Variants in PTPRD observed in about 807,000 individuals in gnomAD.
The protein encoded by PTPRD is protein tyrosine phosphatase receptor type D.
PTPRD carries 34 observed loss-of-function variants against 214.5 expected under a neutral mutation model. The observed-to-expected ratio is 0.16, with a 90% CI of 0.12 to 0.21. The LOEUF is 0.21. PTPRD is among the 10% of genes least tolerant of loss of function. The probability of loss-of-function intolerance (pLI) is 1.00; values close to 1 mark genes in which losing one functional copy is unlikely to be tolerated. For synonymous variants in PTPRD, 1,128 were observed against 845.7 expected (o/e 1.33, Z -5.79); for missense variants, 2,545 against 2,398.7 (o/e 1.06, Z -1.27).
At chr9:10,277,902 T>C (rs1457185816) in intron 3 of PTPRD, among the ~76,000 whole-genome samples, 1 of 152,144 alleles carries the variant, frequency 6.6e-6, no homozygotes, top group East Asian at 1.9e-4. Flanking sequence ...CTCATGCCTG[T>C]AATCTCAGCA....
intron 5 of PTPRD, among the ~76,000 whole-genome samples, chr9:9,833,683 A>C (rs34798342): frequency 0.029 from 3,787 of 132,462 alleles, 108 homozygotes; most frequent in Middle Eastern, 0.067. Flanking sequence ...CGCTCCGGAG[A>C]GGGGGGCAGT....
At chr9:10,493,527 G>C (rs1012878785) in intron 2 of PTPRD, among the ~76,000 whole-genome samples, 8 of 152,016 alleles carry the variant, frequency 5.3e-5, no homozygotes, top group Admixed American at 1.3e-4. Flanking sequence ...AAATGGTGTT[G>C]GGAAAATTGG....
intron 9 of PTPRD, among the ~76,000 whole-genome samples, chr9:9,229,373 G>T (rs1713904378): frequency 1.3e-5 from 2 of 152,188 alleles, no homozygotes; most frequent in Non-Finnish European, 2.9e-5. Context: ...GGAAGACCAT[G>T]TGAGCTGTGG....
chr9:8,913,599 T>C (rs1449411222), intron 11 of PTPRD, among the ~76,000 whole-genome samples: 2 of 152,122 alleles, frequency 1.3e-5, no homozygotes, highest in Non-Finnish European at 2.9e-5. Flanking sequence ...TTGCTATACA[T>C]TGGTATTCTG....
rs1373324292 is a variant in PTPRD, at chr9:8,742,223, T to C, written c.-103-8277A>G. ...TATCCTAATAGTAATGTATGATTTG[T>C]TGTTTTATTTTAAATTGATATATAA... On this transcript the variant is annotated intron_variant, in intron 11 of 45. Coordinates refer to ENST00000381196, the MANE Select transcript of PTPRD (RefSeq NM_002839.4). Among the ~76,000 whole-genome samples the C allele has an allele frequency of 2.0e-5, 3 of 152,210 alleles. No homozygotes were observed. The East Asian group carries it at 5.8e-4, about 29-fold the overall frequency.
intron 12 of PTPRD, among the ~76,000 whole-genome samples, chr9:8,695,435 T>C (rs2097891692): frequency 7.0e-6 from 1 of 143,560 alleles, no homozygotes; most frequent in East Asian, 2.2e-4. Context: ...TACTATAGAA[T>C]GAGAGTAGAT....
intron 4 of PTPRD, among the ~76,000 whole-genome samples, chr9:10,012,944 T>C (rs2096630794): frequency 6.6e-6 from 1 of 151,942 alleles, no homozygotes; most frequent in African/African-American, 2.4e-5. Context: ...ATCTTTGTAA[T>C]TTTCAAGATC....
intron 6 of PTPRD, among the ~76,000 whole-genome samples, chr9:9,764,254 T>C (rs1437346684): frequency 6.6e-6 from 1 of 152,182 alleles, no homozygotes; most frequent in Non-Finnish European, 1.5e-5. Context: ...TTTTTTCTAA[T>C]CTATCTACAT....
chr9:10,366,329 G>C (rs974815165), intron 2 of PTPRD, among the ~76,000 whole-genome samples: 2 of 152,164 alleles, frequency 1.3e-5, no homozygotes, highest in Non-Finnish European at 2.9e-5. Context: ...GAATACGGAA[G>C]GCTCATAAAG....
chr9:8,316,722 G>A lies in PTPRD; in HGVS notation c.*1152C>T, dbSNP rs1051524403. On this transcript the variant is annotated 3_prime_UTR_variant, in exon 46 of 46. Coordinates refer to ENST00000381196, the MANE Select transcript of PTPRD (RefSeq NM_002839.4). ...TTTGTGGATGTGATTGATTGGTTAGGTGGGGGTAGATTAGGTAGGAAATCA... is the reference window on the plus strand; with the variant it reads ...TTTGTGGATGTGATTGATTGGTTAGATGGGGGTAGATTAGGTAGGAAATCA... The A allele has an allele frequency of 3.0e-5, 7 of 230,824 alleles. No individual in the cohort carries two copies. The highest frequency in any genetic ancestry group is 5.1e-5 in the Non-Finnish European group (6 of 116,518). The allele number at this position is 230,824 out of a possible 1,614,324, so 14.3% of individuals were successfully genotyped here.
rs532904784 is a variant in PTPRD, at chr9:8,798,340, T to C, written c.-103-64394A>G. On this transcript the variant is annotated intron_variant, in intron 11 of 45. Coordinates refer to ENST00000381196, the MANE Select transcript of PTPRD (RefSeq NM_002839.4). ...CAAGATAATCATCACTTTAAAAATT[T>C]TTTAACAGTTTAAATCATACCAAAG... 5.1e-4 allele frequency among the ~76,000 whole-genome samples: 78 copies of C among 152,278 alleles called. 1 individual carries two copies. Among genetic ancestry groups the C allele is most frequent in the South Asian group, 3.1e-3 (15 of 4,832 alleles).
intron 30 of PTPRD, among the ~76,000 whole-genome samples, chr9:8,482,107 G>T (rs776622821): frequency 1.3e-5 from 2 of 152,004 alleles, no homozygotes; most frequent in African/African-American, 4.8e-5. Context: ...ACTTCTCTAA[G>T]CCCACACTTC....
intron 14 of PTPRD, among the ~76,000 whole-genome samples, chr9:8,599,613 C>CCCCCCCCCCTT (rs2094698008): frequency 5.6e-5 from 3 of 53,418 alleles, no homozygotes; most frequent in Admixed American, 2.1e-4. Context: ...CCCGCCCACC[C>CCCCCCCCCCTT]TTTTTTTTTT....
intron 8 of PTPRD, among the ~76,000 whole-genome samples, chr9:9,546,571 G>A (rs1173117537): frequency 2.6e-5 from 4 of 151,118 alleles, no homozygotes; most frequent in South Asian, 2.1e-4. Context: ...ATATTCCACC[G>A]ACAATTACTA....
At chr9:8,840,513 C>T (rs909325958) in intron 11 of PTPRD, among the ~76,000 whole-genome samples, 11 of 152,144 alleles carry the variant, frequency 7.2e-5, no homozygotes, top group Non-Finnish European at 1.0e-4. Flanking sequence ...TCTTTATTAG[C>T]AGTGTGAAAG....
Position 8,316,039 on chromosome 9 carries a change from G to A in PTPRD, c.*1835C>T, listed in dbSNP as rs530666418. 8.8e-6 allele frequency: 2 copies of A among 228,278 alleles called. No homozygotes were observed. The highest frequency in any genetic ancestry group is 4.4e-5 in the African/African-American group (2 of 45,118). 14.1% of individuals were successfully genotyped at this position (228,278 alleles called of 1,614,324 possible). A position where few individuals can be genotyped will look rare whatever the true frequency, so the allele number is the denominator to read the frequency against. On this transcript the variant is annotated 3_prime_UTR_variant, in exon 46 of 46. Transcript: ENST00000381196. ...GATATTTGTTACTAAAATAAGTTTG[G>A]TGCAGTTACTGCATGTTCCAGAGCG... is the stretch of plus-strand genomic sequence containing the variant.
At chr9:9,078,323 A>G (rs1036984609) in intron 10 of PTPRD, among the ~76,000 whole-genome samples, 2 of 152,098 alleles carry the variant, frequency 1.3e-5, no homozygotes, top group Admixed American at 6.6e-5. Flanking sequence ...ATCATGGCCC[A>G]TCCTTAATTA....
chr9:9,758,491 G>C (rs866520369), intron 6 of PTPRD, among the ~76,000 whole-genome samples: 22 of 152,096 alleles, frequency 1.4e-4, no homozygotes, highest in African/African-American at 5.3e-4. Context: ...GTAATCTGAA[G>C]AATCACCAAA....
chr9:9,595,239 A>G (rs1009367190), intron 7 of PTPRD, among the ~76,000 whole-genome samples: 10 of 147,790 alleles, frequency 6.8e-5, no homozygotes, highest in South Asian at 2.1e-4. Flanking sequence ...CTACTGGGGT[A>G]TCTACCCAGA....
Sources: allele counts gnomAD v4.1 joint callset (sites outside exome capture counted in the v4.1 genomes callset), GRCh38; gene constraint gnomAD v4.1.1; transcripts MANE v1.5; gene names NCBI Gene and HGNC (gene_info 2026-07-23, HGNC 2026-07-21).